The following UTP11 variants were observed in gnomAD, a reference collection of about 807,000 sequenced individuals.
UTP11 encodes UTP11 small subunit processome component.
A neutral mutation model predicts 39.0 loss-of-function variants in UTP11; 29 were observed. That is an observed-to-expected ratio of 0.74 (90% CI 0.55 to 1.01). The LOEUF (loss-of-function observed/expected upper bound fraction) is 1.01. Ranked by LOEUF, UTP11 falls within the 50% of genes least tolerant of loss-of-function variation. UTP11 has a pLI of 0.00. For missense variants in UTP11, 281 were observed against 306.0 expected, an observed-to-expected ratio of 0.92 and a Z score of 0.61; for synonymous variants, 111 against 105.0, an observed-to-expected ratio of 1.06 and a Z score of -0.35.
intron 1 of UTP11, among the ~76,000 whole-genome samples, chr1:38,014,118 C>T (rs1264223570): frequency 1.3e-5 from 2 of 152,180 alleles, no homozygotes; most frequent in Admixed American, 1.3e-4. Flanking sequence ...GTGGATGTTA[C>T]CCTCATTCCT....
At chr1:38,017,493 G>A (rs1398645202) in intron 2 of UTP11, 175 bp from the exon 3 acceptor site, 4 of 485,846 alleles carry the variant, frequency 8.2e-6, no homozygotes, top group Non-Finnish European at 1.5e-5. Context: ...GAAGACATGA[G>A]CTCAGCTCAG....
chr1:38,022,670 C>G, intron 6 of UTP11, 29 bp from the exon 7 acceptor site: 3 of 1,498,858 alleles, frequency 2.0e-6, no homozygotes, highest in Non-Finnish European at 2.8e-6. Flanking sequence ...GTTCATTGTT[C>G]ACTGAGAATG....
At position 38,019,432 on chromosome 1, in the gene UTP11, GTTTTTTTTTTGT is replaced by G; in HGVS notation, c.567+60_567+71del. On this transcript the variant is annotated intron_variant, in intron 6 of 7. Coordinates refer to ENST00000373014, the MANE Select transcript of UTP11 (RefSeq NM_016037.4). ...CATGTGAGCTTAGGGGAATCTAGGT[GTTTTTTTTTTGT>G]TTTTTTTTTTTTGCTACTGCATTTA... 3.8e-6 allele frequency: 4 copies of G among 1,042,904 alleles called. No homozygotes were observed. The South Asian group carries it at 7.4e-5, about 19-fold the overall frequency. The allele number at this position is 1,042,904 out of a possible 1,614,324, so 64.6% of individuals were successfully genotyped here.
intron 2 of UTP11, 110 bp from the exon 3 acceptor site, chr1:38,017,558 C>A: frequency 1.2e-6 from 1 of 816,404 alleles, no homozygotes; most frequent in Non-Finnish European, 1.8e-6. Context: ...GAGTTTCACT[C>A]TGTGTGACCT....
intron 2 of UTP11, chr1:38,016,928 CT>C (rs1429739773): frequency 1.3e-5 from 2 of 158,814 alleles, no homozygotes. Flanking sequence ...TTGCAAAATA[CT>C]TCTTAATTAT....
intron 4 of UTP11, 30 bp downstream of exon 4, chr1:38,018,607 A>G: frequency 6.5e-7 from 1 of 1,534,320 alleles, no homozygotes; most frequent in Non-Finnish European, 8.9e-7. Context: ...GATTGGTTTT[A>G]TTGGTTAAGA....
At chr1:38,020,849 G>A (rs893590710) in intron 6 of UTP11, among the ~76,000 whole-genome samples, 5 of 152,082 alleles carry the variant, frequency 3.3e-5, no homozygotes, top group African/African-American at 1.2e-4. Context: ...ATTTCCTTCT[G>A]TAGATAACAC....
intron 1 of UTP11, 99 bp downstream of exon 1, chr1:38,012,964 A>G (rs567267821): frequency 4.2e-6 from 6 of 1,430,706 alleles, no homozygotes; most frequent in South Asian, 1.2e-5. Context: ...CAAACTGTAT[A>G]GTATATAAAT....
intron 2 of UTP11, chr1:38,016,766 C>A: frequency 3.7e-6 from 1 of 272,130 alleles, no homozygotes; most frequent in South Asian, 4.1e-5. Flanking sequence ...ATCTGAAATT[C>A]CATTTGTTGA....
intron 1 of UTP11, 59 bp downstream of exon 1, chr1:38,012,924 CA>C: frequency 5.6e-6 from 9 of 1,607,036 alleles, no homozygotes; most frequent in Non-Finnish European, 7.7e-6. Context: ...ACCCTTGCCC[CA>C]ACCCTGTCGC....
In UTP11 at chr1:38,019,348, A is replaced by G; in HGVS notation, c.532A>G (p.Lys178Glu). The G allele has an allele frequency of 5.6e-6, 9 of 1,614,118 alleles. No homozygotes were observed. The highest frequency in any genetic ancestry group is 7.6e-6 in the Non-Finnish European group (9 of 1,179,982). Reference sequence around the variant, plus strand: ...CAGGATAGAGACCTTGCAGAAAGAAAAAGTGAAAGGAGTTACCAATCAGAC... The same window carrying G: ...CAGGATAGAGACCTTGCAGAAAGAAGAAGTGAAAGGAGTTACCAATCAGAC... ...RPRIETLQKE[K>E]VKGVTNQTGL... Residue 178 changes from lysine (K) to glutamate (E), a missense_variant, in exon 6 of 8, where the codon AAA (lysine) becomes GAA (glutamate). Lys to Glu is a moderately conservative substitution (Grantham distance 56, BLOSUM62 1). Coordinates refer to ENST00000373014, the MANE Select transcript of UTP11 (RefSeq NM_016037.4).
chr1:38,012,795 G>A lies in UTP11; in HGVS notation c.-8G>A, dbSNP rs1570496738. ...TTCTCCACTGATCTTTTCCAAGGCT[G>A]TACAGACATGGCGGCGGCTTTTCGG... is the stretch of plus-strand genomic sequence containing the variant. On this transcript the variant is annotated 5_prime_UTR_variant, in exon 1 of 8. Coordinates refer to ENST00000373014, the MANE Select transcript of UTP11 (RefSeq NM_016037.4). 1 of 1,614,218 alleles carries A rather than the reference G, an allele frequency of 6.2e-7. No individual in the cohort carries two copies. Among genetic ancestry groups the A allele is most frequent in the African/African-American group, 1.3e-5 (1 of 75,066 alleles).
chr1:38,016,293 C>G (rs893608333), intron 1 of UTP11, 66 bp from the exon 2 acceptor site: 4 of 1,503,498 alleles, frequency 2.7e-6, no homozygotes, highest in African/African-American at 2.7e-5. Flanking sequence ...TGTTAGATGT[C>G]GTGTTGATTT....
intron 1 of UTP11, among the ~76,000 whole-genome samples, chr1:38,013,742 T>G (rs1646691294): frequency 2.0e-5 from 3 of 151,740 alleles, no homozygotes; most frequent in Admixed American, 2.0e-4. Flanking sequence ...TGAGATGGAG[T>G]CTCACTCTGT....
At chr1:38,013,012 G>T in intron 1 of UTP11, 147 bp downstream of exon 1, 1 of 1,027,024 alleles carries the variant, frequency 9.7e-7, no homozygotes, top group Non-Finnish European at 1.4e-6. Flanking sequence ...GCGTGGCTGG[G>T]GCGGAGCTTC....
chr1:38,016,525 T>C, intron 2 of UTP11, 105 bp downstream of exon 2: 1 of 1,226,632 alleles, frequency 8.2e-7, no homozygotes, highest in Non-Finnish European at 1.2e-6. Flanking sequence ...TTCCTGCCAT[T>C]GATAAAATGG....
chr1:38,019,923 G>T (rs779615256), intron 6 of UTP11, among the ~76,000 whole-genome samples: 1 of 152,174 alleles, frequency 6.6e-6, no homozygotes, highest in Non-Finnish European at 1.5e-5. Context: ...CAGAAGCTTA[G>T]GTTCTGGCCT....
chr1:38,013,917 A>T (rs1646692632), intron 1 of UTP11, among the ~76,000 whole-genome samples: 1 of 152,070 alleles, frequency 6.6e-6, no homozygotes, highest in South Asian at 2.1e-4. Context: ...GTTTTGTCAG[A>T]TTGGCCAGGC....
At chr1:38,015,979 C>T (rs1435634045) in intron 1 of UTP11, among the ~76,000 whole-genome samples, 1 of 152,250 alleles carries the variant, frequency 6.6e-6, no homozygotes, top group Non-Finnish European at 1.5e-5. Context: ...CTAAATTTAG[C>T]TCCCTTACCA....
Sources: gnomAD v4.1 joint callset for allele counts (sites outside exome capture counted in the v4.1 genomes callset) on GRCh38, gnomAD v4.1.1 for gene constraint, MANE v1.5 for transcripts, NCBI Gene and HGNC (gene_info 2026-07-23, HGNC 2026-07-21) for gene names.